Variants in NDST3 observed in about 807,000 individuals in gnomAD.
The protein encoded by NDST3 is N-deacetylase and N-sulfotransferase 3.
NDST3 carries 58 observed loss-of-function variants against 96.1 expected under a neutral mutation model. That is an observed-to-expected ratio of 0.60 (90% confidence interval 0.49 to 0.75). NDST3 has a LOEUF of 0.75. NDST3 is among the 30% of genes least tolerant of loss of function. The pLI, the probability that NDST3 is intolerant of heterozygous loss-of-function variation, is 0.00. For missense variants in NDST3, 788 were observed against 1,034.2 expected (o/e 0.76, Z 3.27); for synonymous variants, 333 against 359.7 (o/e 0.93, Z 0.84).
At chr4:118,229,352 A>G (rs944942746) in intron 8 of NDST3, among the ~76,000 whole-genome samples, 1 of 152,230 alleles carries the variant, frequency 6.6e-6, no homozygotes, top group African/African-American at 2.4e-5. Flanking sequence ...AGTTATCTGG[A>G]TATTCAAGTA....
At chr4:118,130,240 T>C (rs1732500091) in intron 4 of NDST3, among the ~76,000 whole-genome samples, 1 of 152,054 alleles carries the variant, frequency 6.6e-6, no homozygotes, top group South Asian at 2.1e-4. Flanking sequence ...ATTTGTTTTC[T>C]GGTTGTTTTG....
chr4:118,155,745 C>A (rs148812497), intron 6 of NDST3, among the ~76,000 whole-genome samples: 1 of 152,012 alleles, frequency 6.6e-6, no homozygotes, highest in African/African-American at 2.4e-5. Flanking sequence ...CAAGAACCTA[C>A]CAATAACATT....
At chr4:118,195,547 CTGGGG>C (rs1737622659) in intron 6 of NDST3, among the ~76,000 whole-genome samples, 1 of 152,198 alleles carries the variant, frequency 6.6e-6, no homozygotes, top group Non-Finnish European at 1.5e-5. Flanking sequence ...TTTACCCAGT[CTGGGG>C]TATGACTTTA....
At chr4:118,038,614 C>T (rs1237695812) in intron 1 of NDST3, among the ~76,000 whole-genome samples, 1 of 152,178 alleles carries the variant, frequency 6.6e-6, no homozygotes, top group Non-Finnish European at 1.5e-5. Flanking sequence ...AAAGCTTGCC[C>T]TTGTCAATTT....
In NDST3 at chr4:118,048,780, G is replaced by A. The variant is rs555334070; in HGVS notation, c.-155-4976G>A. Among the ~76,000 whole-genome samples the A allele has an allele frequency of 4.5e-4, 69 of 151,904 alleles. No homozygotes were observed. The Middle Eastern group carries it at 0.014, about 30-fold the overall frequency. On this transcript the variant is annotated intron_variant, in intron 1 of 13. Transcript: ENST00000296499. ...CTTAGACAACTATACAATAATAATGGGAGATGTCAACACCCCACTCACAAT... is the reference window on the plus strand; with the variant it reads ...CTTAGACAACTATACAATAATAATGAGAGATGTCAACACCCCACTCACAAT...
intron 6 of NDST3, among the ~76,000 whole-genome samples, chr4:118,188,684 T>A (rs1209912721): frequency 6.6e-6 from 1 of 152,214 alleles, no homozygotes; most frequent in African/African-American, 2.4e-5. Flanking sequence ...ACCAGTCAGT[T>A]TCTCATTAGA....
chr4:118,224,676 A>G lies in NDST3; in HGVS notation c.1722+3A>G. ...ATCAGAAAGACCCTCTCTGGCAGGT[A>G]AAATTAATTAAATAATTGATATAAC... is the stretch of plus-strand genomic sequence containing the variant. On this transcript the variant is annotated splice_donor_region_variant and intron_variant, in intron 7 of 13. Coordinates refer to ENST00000296499, the MANE Select transcript of NDST3 (RefSeq NM_004784.3). 3 of 1,572,878 alleles carry G rather than the reference A, an allele frequency of 1.9e-6. No individual in the cohort carries two copies. Among genetic ancestry groups the G allele is most frequent in the Non-Finnish European group, 2.6e-6 (3 of 1,159,006 alleles).
intron 2 of NDST3, among the ~76,000 whole-genome samples, chr4:118,100,363 C>T (rs1411807959): frequency 6.6e-6 from 1 of 152,024 alleles, no homozygotes; most frequent in African/African-American, 2.4e-5. Context: ...CAGATGCAAA[C>T]TGAATTATAT....
At chr4:118,082,309 T>C (rs1005481477) in intron 2 of NDST3, among the ~76,000 whole-genome samples, 1 of 152,194 alleles carries the variant, frequency 6.6e-6, no homozygotes, top group African/African-American at 2.4e-5. Flanking sequence ...CAAGTCACCC[T>C]GACATAGTTT....
chr4:118,114,009 T>C (rs1730851289), intron 3 of NDST3, among the ~76,000 whole-genome samples: 1 of 152,004 alleles, frequency 6.6e-6, no homozygotes, highest in Admixed American at 6.6e-5. Flanking sequence ...TCAACTGAAC[T>C]GCAGGCCAAG....
At chr4:118,087,091 T>C (rs1312997516) in intron 2 of NDST3, among the ~76,000 whole-genome samples, 3 of 152,066 alleles carry the variant, frequency 2.0e-5, no homozygotes, top group East Asian at 1.9e-4. Flanking sequence ...CATATGGAAA[T>C]ATGGGTTTAA....
chr4:118,101,368 GAA>G (rs67248472), intron 2 of NDST3, among the ~76,000 whole-genome samples: 1 of 141,546 alleles, frequency 7.1e-6, no homozygotes, highest in African/African-American at 2.7e-5. Flanking sequence ...ATGAAGACTT[GAA>G]AAAAAAAAAA....
chr4:118,152,042 T>A (rs1348766996), intron 6 of NDST3, among the ~76,000 whole-genome samples: 2 of 152,218 alleles, frequency 1.3e-5, no homozygotes, highest in Non-Finnish European at 2.9e-5. Context: ...TTTTACCTAG[T>A]TTTTTATTTT....
chr4:118,055,064 T>C, intron 2 of NDST3, 173 bp downstream of exon 2: 2 of 780,680 alleles, frequency 2.6e-6, no homozygotes, highest in Non-Finnish European at 4.2e-6. Flanking sequence ...TGTATTTCTA[T>C]CTGAATCAAG....
At chr4:118,174,082 C>A (rs1176662449) in intron 6 of NDST3, among the ~76,000 whole-genome samples, 1 of 151,414 alleles carries the variant, frequency 6.6e-6, no homozygotes, top group Non-Finnish European at 1.5e-5. Flanking sequence ...AAATTGAATG[C>A]TGCGCTTTGT....
intron 5 of NDST3, among the ~76,000 whole-genome samples, chr4:118,139,264 G>A (rs1328913515): frequency 6.6e-6 from 1 of 152,202 alleles, no homozygotes; most frequent in African/African-American, 2.4e-5. Context: ...TCTGACCAGA[G>A]GGAGTTTAGA....
intron 6 of NDST3, among the ~76,000 whole-genome samples, chr4:118,219,273 G>A (rs1443233936): frequency 2.0e-5 from 3 of 151,870 alleles, no homozygotes; most frequent in Admixed American, 6.6e-5. Flanking sequence ...GAGGCATCAC[G>A]CTACCTGACT....
intron 2 of NDST3, among the ~76,000 whole-genome samples, chr4:118,073,560 G>T (rs1415854194): frequency 6.6e-6 from 1 of 152,040 alleles, no homozygotes; most frequent in Non-Finnish European, 1.5e-5. Flanking sequence ...TGTGGAGTCA[G>T]TAGTATTATC....
At chr4:118,060,893 G>A (rs1004282532) in intron 2 of NDST3, among the ~76,000 whole-genome samples, 15 of 152,090 alleles carry the variant, frequency 9.9e-5, no homozygotes, top group Non-Finnish European at 7.4e-5. Context: ...GTTTAACACC[G>A]GATATTAGGC....
Sources: gnomAD v4.1 joint callset for allele counts (sites outside exome capture counted in the v4.1 genomes callset) on GRCh38, gnomAD v4.1.1 for gene constraint, MANE v1.5 for transcripts, NCBI Gene and HGNC (gene_info 2026-07-23, HGNC 2026-07-21) for gene names.